The following SLC19A1 variants were observed in gnomAD, a reference collection of about 807,000 sequenced individuals.
SLC19A1 encodes reduced folate transporter.
In SLC19A1, 37 loss-of-function variants were observed where a neutral mutation model predicts 35.3. That is an observed-to-expected ratio of 1.05 (90% CI 0.81 to 1.38). SLC19A1 has a LOEUF of 1.38. SLC19A1 is among the 40% of genes most tolerant of loss of function. SLC19A1 has a pLI of 0.00. For missense variants in SLC19A1, 831 were observed against 826.9 expected, an observed-to-expected ratio of 1.00 and a Z score of -0.06; for synonymous variants, 460 against 398.5, an observed-to-expected ratio of 1.15 and a Z score of -1.84.
At chr21:45,546,127 G>C (rs185082959), upstream of SLC19A1, among the ~76,000 whole-genome samples, 4 of 152,350 alleles carry the variant, frequency 2.6e-5, no homozygotes, top group African/African-American at 9.6e-5. Flanking sequence ...CTAGCCCCAA[G>C]CCCAGGCCTG....
rs749765137 is a variant in SLC19A1 at position 45,515,934 on chromosome 21, C to T, written c.1500G>A (p.Pro500=). 6.5e-6 allele frequency: 10 copies of T among 1,539,268 alleles called. 1 individual carries two copies. In the East Asian group the frequency reaches 7.1e-5, roughly 11 times the overall value. ...CCAGGCTGTCTTCTGGGGAAAGCGGCGGGCTCTGGGCTGGCTGCAGGCCTC... is the reference window on the plus strand; with the variant it reads ...CCAGGCTGTCTTCTGGGGAAAGCGGTGGGCTCTGGGCTGGCTGCAGGCCTC... ...GLGGLQPAQS[P]PLSPEDSLGA... is the part of the protein sequence containing the mutation. Residue 500 remains proline (P), a synonymous_variant, in exon 6 of 6, where the codon CCG becomes CCA. Coordinates refer to ENST00000311124, the MANE Select transcript of SLC19A1 (RefSeq NM_194255.4).
intron 1 of SLC19A1, among the ~76,000 whole-genome samples, chr21:45,554,902 G>T (rs1207874234): frequency 6.6e-6 from 1 of 151,744 alleles, no homozygotes; most frequent in African/African-American, 2.4e-5. Flanking sequence ...CAGTGGCGAG[G>T]CCCCTCGCCT....
downstream of SLC19A1, chr21:45,512,090 G>A (rs2037644720): frequency 1.5e-6 from 2 of 1,353,094 alleles, no homozygotes. Flanking sequence ...GGTAACCCCA[G>A]GGCTGGCCTC....
intron 1 of SLC19A1, among the ~76,000 whole-genome samples, chr21:45,556,960 C>A (rs1009059455): frequency 2.6e-5 from 4 of 152,038 alleles, no homozygotes; most frequent in Non-Finnish European, 4.4e-5. Flanking sequence ...GACGGCGACT[C>A]AGATGCATGT....
chr21:45,504,663 C>T, intron 3 of SLC19A1: 2 of 977,084 alleles, frequency 2.0e-6, no homozygotes, highest in Non-Finnish European at 3.1e-6. Context: ...CGGAGCTGCC[C>T]CTGCAAGCTC....
upstream of SLC19A1, among the ~76,000 whole-genome samples, chr21:45,545,821 G>A (rs898562724): frequency 3.3e-5 from 5 of 152,264 alleles, no homozygotes; most frequent in Admixed American, 6.5e-5. Context: ...ATTTCCAGAC[G>A]TCTCCCCAGT....
intron 3 of SLC19A1, 128 bp from the exon 4 acceptor site, chr21:45,531,099 T>A (rs1278530331): frequency 3.5e-6 from 1 of 283,786 alleles, no homozygotes; most frequent in East Asian, 1.1e-4. Flanking sequence ...CGGGGAAGGA[T>A]CCACGGGGCA....
At position 45,533,403 on chromosome 21, in the gene SLC19A1, T is replaced by G. The variant is rs928220316; in HGVS notation, c.190-1255A>C. 1.3e-5 allele frequency among the ~76,000 whole-genome samples: 2 copies of G among 152,092 alleles called. No individual in the cohort carries two copies. The highest frequency in any genetic ancestry group is 4.8e-5 in the African/African-American group (2 of 41,354). On this transcript the variant is annotated intron_variant, in intron 2 of 5. Transcript: ENST00000311124. The surrounding 1 kb of genome is among the most constrained non-coding windows in gnomAD (Gnocchi z 4.5). ...CTGTCTTGGCAGGGGCCAGGGCTGC[T>G]GTGGGCACACCTGGGCACACCTGGG...
intron 1 of SLC19A1, among the ~76,000 whole-genome samples, chr21:45,556,211 C>A (rs571106067): frequency 1.6e-4 from 24 of 152,246 alleles, no homozygotes; most frequent in Non-Finnish European, 1.5e-4. Flanking sequence ...CAGAGGTCCT[C>A]ACGGCCTGCG....
At chr21:45,535,837 C>G (rs1240725408) in intron 2 of SLC19A1, 1 of 154,140 alleles carries the variant, frequency 6.5e-6, no homozygotes, top group East Asian at 1.9e-4. Flanking sequence ...GAACGTCTCT[C>G]AAGTCAGATT....
At chr21:45,535,694 C>A (rs992541508) in intron 2 of SLC19A1, among the ~76,000 whole-genome samples, 3 of 152,232 alleles carry the variant, frequency 2.0e-5, no homozygotes, top group African/African-American at 7.2e-5. Context: ...GCTGCCAGCT[C>A]GTGCTCTACC....
chr21:45,516,012 ACTC>A lies in SLC19A1; in HGVS notation c.1419_1421del (p.Arg473del). The A allele has an allele frequency of 6.4e-7, 1 of 1,573,476 alleles. No individual in the cohort carries two copies. Among genetic ancestry groups the A allele is most frequent in the Non-Finnish European group, 8.6e-7 (1 of 1,160,822 alleles). Reference sequence around the variant, plus strand: ...CCTGTGCTGCCTTCTCCTCCGCGGCACTCCTCAGGCCCTGGGCCGGGGGCTGCC... The same window carrying A: ...CCTGTGCTGCCTTCTCCTCCGCGGCACTCAGGCCCTGGGCCGGGGGCTGCC... On this transcript the variant is annotated inframe_deletion, in exon 6 of 6. Transcript: ENST00000311124.
In SLC19A1 at chr21:45,515,646, G is replaced by A. The variant is rs1437899816; in HGVS notation, c.*12C>T. The A allele has an allele frequency of 6.2e-7, 1 of 1,613,020 alleles. No individual in the cohort carries two copies. ...GGGCCGCCTGCAAAGTTACCACAGGGGCGCCCGAGAGTCACTGGTTCACAT... is the reference window on the plus strand; with the variant it reads ...GGGCCGCCTGCAAAGTTACCACAGGAGCGCCCGAGAGTCACTGGTTCACAT... On this transcript the variant is annotated 3_prime_UTR_variant, in exon 6 of 6. Coordinates refer to ENST00000311124, the MANE Select transcript of SLC19A1 (RefSeq NM_194255.4).
At chr21:45,537,682 C>T (rs1322506655) in intron 2 of SLC19A1, 89 bp downstream of exon 2, 10 of 1,216,012 alleles carry the variant, frequency 8.2e-6, no homozygotes, top group South Asian at 3.4e-5. Flanking sequence ...CGGCCGCCCC[C>T]GCATCCCGGC....
intron 3 of SLC19A1, chr21:45,505,469 G>T: frequency 9.0e-7 from 1 of 1,117,290 alleles, no homozygotes. Flanking sequence ...CCTGCGTCCC[G>T]TGCCCTGGCT....
At chr21:45,507,509 C>T in intron 3 of SLC19A1, 1 of 1,582,586 alleles carries the variant, frequency 6.3e-7, no homozygotes, top group Non-Finnish European at 8.6e-7. Context: ...GGGAGGGCAC[C>T]CTGGCTCAGG....
chr21:45,522,251 C>T (rs2077458980), intron 5 of SLC19A1, among the ~76,000 whole-genome samples: 1 of 152,028 alleles, frequency 6.6e-6, no homozygotes, highest in Admixed American at 6.5e-5. Flanking sequence ...CAAATTAAAA[C>T]AATATTATGC....
chr21:45,547,771 G>A (rs73372963), upstream of SLC19A1, among the ~76,000 whole-genome samples: 2,734 of 152,228 alleles, frequency 0.018, 87 homozygotes, highest in African/African-American at 0.063. Context: ...CACCTTGGAC[G>A]CATGTTTTAG....
At chr21:45,549,546 G>A (rs528718145) in intron 1 of SLC19A1, among the ~76,000 whole-genome samples, 3 of 148,834 alleles carry the variant, frequency 2.0e-5, no homozygotes, top group Non-Finnish European at 4.4e-5. Context: ...CGTGTCTCTT[G>A]GGAGACAATC....
Sources: allele counts gnomAD v4.1 joint callset (sites outside exome capture counted in the v4.1 genomes callset), GRCh38; gene constraint gnomAD v4.1.1; non-coding constraint Gnocchi (gnomAD v3.1); transcripts MANE v1.5; gene names NCBI Gene and HGNC (gene_info 2026-07-23, HGNC 2026-07-21).